Variants in UBQLN1 observed in about 807,000 individuals in gnomAD.
The protein encoded by UBQLN1 is ubiquilin-1.
In UBQLN1, 13 loss-of-function variants were observed where a neutral mutation model predicts 65.4. The ratio of observed to expected loss-of-function variants is 0.20; its 90% CI spans 0.13 to 0.32. The LOEUF (loss-of-function observed/expected upper bound fraction) is 0.32. UBQLN1 is among the 10% of genes least tolerant of loss of function. The pLI, the probability that UBQLN1 is intolerant of heterozygous loss-of-function variation, is 1.00. For synonymous variants in UBQLN1, 267 were observed against 247.8 expected, an observed-to-expected ratio of 1.08 and a Z score of -0.73; for missense variants, 561 against 724.0, an observed-to-expected ratio of 0.77 and a Z score of 2.58.
chr9:83,685,705 G>A (rs758665469), intron 2 of UBQLN1, among the ~76,000 whole-genome samples: 3 of 150,992 alleles, frequency 2.0e-5, no homozygotes, highest in Non-Finnish European at 4.4e-5. Flanking sequence ...CATGATCTTT[G>A]TCTAAAAATT....
rs749869566 is a variant in UBQLN1 at position 83,661,573 on chromosome 9, G to C, written c.*214C>G. ...AAAAAATTACAATAAATGCAGAAGT[G>C]ATGCATGCAGTAGCCTTAATTCCCA... On this transcript the variant is annotated 3_prime_UTR_variant, in exon 11 of 11. Transcript: ENST00000376395. 1.2e-5 allele frequency: 5 copies of C among 432,698 alleles called. No individual in the cohort carries two copies. Among genetic ancestry groups the C allele is most frequent in the Non-Finnish European group, 2.0e-5 (5 of 250,106 alleles). The allele number at this position is 432,698 out of a possible 1,614,324, so 26.8% of individuals were successfully genotyped here.
intron 3 of UBQLN1, among the ~76,000 whole-genome samples, 167 bp downstream of exon 3, chr9:83,682,784 C>A (rs916660536): frequency 4.0e-5 from 6 of 151,750 alleles, no homozygotes; most frequent in Non-Finnish European, 8.8e-5. Context: ...TATCCATATC[C>A]CCAACTACTT....
intron 5 of UBQLN1, 28 bp downstream of exon 5, chr9:83,678,413 G>T (rs1414414405): frequency 1.3e-6 from 2 of 1,596,908 alleles, no homozygotes; most frequent in African/African-American, 2.7e-5. Flanking sequence ...GCTACTCCTT[G>T]GCCTGAACCT....
At chr9:83,667,022 A>C (rs1184973672) in intron 7 of UBQLN1, 1 of 152,254 alleles carries the variant, frequency 6.6e-6, no homozygotes, top group Non-Finnish European at 1.5e-5. Context: ...CAGGCCTAGC[A>C]CCAACAGTCC....
At chr9:83,695,444 C>T (rs1262298098) in intron 1 of UBQLN1, among the ~76,000 whole-genome samples, 1 of 152,170 alleles carries the variant, frequency 6.6e-6, no homozygotes, top group Non-Finnish European at 1.5e-5. Flanking sequence ...GTGATCTGCC[C>T]ACCTCAGCCT....
At chr9:83,680,456 G>C (rs905048104) in intron 3 of UBQLN1, among the ~76,000 whole-genome samples, 1 of 152,088 alleles carries the variant, frequency 6.6e-6, no homozygotes, top group Non-Finnish European at 1.5e-5. Flanking sequence ...GAAAGACAAA[G>C]TGATTAAAGG....
At chr9:83,697,733 CT>C (rs35319221) in intron 1 of UBQLN1, among the ~76,000 whole-genome samples, 18,167 of 98,180 alleles carry the variant, frequency 0.19, 1,058 homozygotes, top group African/African-American at 0.22. Context: ...TTTTTGTACC[CT>C]TTTTTTTTTT....
chr9:83,683,492 A>T (rs1242935928), intron 2 of UBQLN1, among the ~76,000 whole-genome samples: 1 of 152,040 alleles, frequency 6.6e-6, no homozygotes, highest in East Asian at 1.9e-4. Context: ...GACCAAATCA[A>T]ATTATCATTT....
chr9:83,683,545 CAAAAT>C (rs982561863), intron 2 of UBQLN1, among the ~76,000 whole-genome samples: 6 of 150,150 alleles, frequency 4.0e-5, no homozygotes, highest in Non-Finnish European at 7.4e-5. Context: ...ACAAAAAATA[CAAAAT>C]AAAATAAAAC....
At chr9:83,676,476 G>T (rs1190237848) in intron 6 of UBQLN1, among the ~76,000 whole-genome samples, 1 of 152,144 alleles carries the variant, frequency 6.6e-6, no homozygotes, top group East Asian at 1.9e-4. Context: ...TAAGAACATT[G>T]CAACCCTCTC....
chr9:83,675,236 T>C (rs1368685301), intron 6 of UBQLN1, among the ~76,000 whole-genome samples: 3 of 152,176 alleles, frequency 2.0e-5, no homozygotes, highest in Non-Finnish European at 4.4e-5. Context: ...ATGCCAAAGA[T>C]TAAAATTTTA....
chr9:83,692,773 AC>A (rs1832149588), intron 1 of UBQLN1, among the ~76,000 whole-genome samples: 1 of 152,078 alleles, frequency 6.6e-6, no homozygotes, highest in Admixed American at 6.5e-5. Flanking sequence ...AATCGCTTGA[AC>A]CCGGGAGGTG....
rs779067338 is a variant in UBQLN1 at position 83,707,599 on chromosome 9, C to G, written c.81G>C (p.Ala27=). The G allele has an allele frequency of 2.5e-6, 4 of 1,599,282 alleles. No homozygotes were observed. The highest frequency in any genetic ancestry group is 3.4e-6 in the Non-Finnish European group (4 of 1,173,782). The change falls in exon 1 of 11, where the codon GCG becomes GCC. Residue 27 remains alanine, a synonymous_variant. Coordinates refer to ENST00000376395, the MANE Select transcript of UBQLN1 (RefSeq NM_013438.5). ...AAGAEGAGAP[A]AAASAEPKIM... is the part of the protein sequence containing the mutation. ...TTTTGGGCTCCGCGGAGGCAGCGGC[C>G]GCGGGGGCGCCAGCACCTTCGGCTC... is the stretch of plus-strand genomic sequence containing the variant.
intron 3 of UBQLN1, among the ~76,000 whole-genome samples, chr9:83,682,478 C>G (rs928041392): frequency 1.1e-4 from 15 of 139,532 alleles, no homozygotes; most frequent in African/African-American, 4.0e-4. Flanking sequence ...GATCCTGCCT[C>G]TCTTAAAAAA....
chr9:83,665,510 TA>T (rs1462933142), intron 8 of UBQLN1: 1 of 174,310 alleles, frequency 5.7e-6, no homozygotes, highest in Non-Finnish European at 1.2e-5. Context: ...AAAAGCCACA[TA>T]TTCCACCTAA....
In UBQLN1 at chr9:83,661,743, G is replaced by C; in HGVS notation, c.*44C>G. ...GCAGGTATTTTAAAGTTTAAGAGCCGTTATCAAAAATAAATTACATTTTTT... is the reference window on the plus strand; with the variant it reads ...GCAGGTATTTTAAAGTTTAAGAGCCCTTATCAAAAATAAATTACATTTTTT... On this transcript the variant is annotated 3_prime_UTR_variant, in exon 11 of 11. Transcript: ENST00000376395. 1 of 1,555,288 alleles carries C rather than the reference G, an allele frequency of 6.4e-7. No individual in the cohort carries two copies.
At chr9:83,683,388 C>T (rs1224779822) in intron 2 of UBQLN1, among the ~76,000 whole-genome samples, 1 of 132,648 alleles carries the variant, frequency 7.5e-6, no homozygotes, top group East Asian at 2.6e-4. Context: ...TCCGTCCAGC[C>T]TGGGCAACAG....
intron 6 of UBQLN1, among the ~76,000 whole-genome samples, chr9:83,676,629 GAATA>G (rs1296977579): frequency 2.0e-5 from 3 of 152,114 alleles, no homozygotes; most frequent in African/African-American, 7.2e-5. Context: ...TTCTATAAAA[GAATA>G]TATATCAACT....
At chr9:83,697,428 T>A (rs980194822) in intron 1 of UBQLN1, among the ~76,000 whole-genome samples, 5 of 150,936 alleles carry the variant, frequency 3.3e-5, no homozygotes, top group African/African-American at 1.2e-4. Flanking sequence ...GGTGTGCACC[T>A]GTAATCCCAG....
Sources: allele counts gnomAD v4.1 joint callset (sites outside exome capture counted in the v4.1 genomes callset), GRCh38; gene constraint gnomAD v4.1.1; transcripts MANE v1.5; gene names NCBI Gene and HGNC (gene_info 2026-07-23, HGNC 2026-07-21).